SIRT4: variants seen among roughly 807,000 people sequenced by gnomAD.
SIRT4 encodes the protein sirtuin 4.
SIRT4 carries 23 observed loss-of-function variants against 26.1 expected under a neutral mutation model. The ratio of observed to expected loss-of-function variants is 0.88; its 90% CI spans 0.63 to 1.25. The LOEUF (loss-of-function observed/expected upper bound fraction) is 1.25, where lower values mean the gene tolerates loss of function less well. SIRT4 is among the 50% of genes most tolerant of loss of function. SIRT4 has a pLI of 0.00. For synonymous variants in SIRT4, 155 were observed against 158.4 expected (o/e 0.98, Z 0.16); for missense variants, 361 against 405.4 (o/e 0.89, Z 0.94).
chr12:120,302,720 CTTTTTT>C (rs901345647), intron 1 of SIRT4, among the ~76,000 whole-genome samples: 3 of 136,834 alleles, frequency 2.2e-5, no homozygotes, highest in Non-Finnish European at 4.8e-5. Flanking sequence ...TTTTCTTTTT[CTTTTTT>C]TTTTTTTTTT....
Position 120,303,636 on chromosome 12 carries a change from G to C in SIRT4, c.75G>C (p.Ser25=). 4 of 1,614,090 alleles carry C rather than the reference G, an allele frequency of 2.5e-6. No homozygotes were observed. Among genetic ancestry groups the C allele is most frequent in the Non-Finnish European group, 3.4e-6 (4 of 1,180,030 alleles). The change falls in exon 2 of 4, where the codon TCG becomes TCC. Residue 25 remains serine, a synonymous_variant. Coordinates refer to ENST00000202967, the MANE Select transcript of SIRT4 (RefSeq NM_012240.3). The part of the protein sequence containing the change: ...RWIANPSQPC[S]KASIGLFVPA... ...TCGCAAACCCCAGCCAGCCGTGCTC[G>C]AAAGCCTCCATTGGGTTATTTGTGC...
At chr12:120,304,817 ATATATATATATATATATATT>A (rs1376850412) in intron 2 of SIRT4, among the ~76,000 whole-genome samples, 1 of 6,740 alleles carries the variant, frequency 1.5e-4, no homozygotes, top group Non-Finnish European at 2.9e-4. Flanking sequence ...ATATATATAT[ATATATATATATATATATATT>A]TTTTTTTTTT....
the SIRT4 span, among the ~76,000 whole-genome samples, chr12:120,292,409 T>C: frequency 6.6e-6 from 1 of 151,976 alleles, no homozygotes; most frequent in African/African-American, 2.4e-5. Flanking sequence ...AAGACCAGCC[T>C]GGACAAGATG....
chr12:120,312,720 C>T lies in SIRT4; in HGVS notation c.762C>T (p.Asp254=). Residue 254 remains aspartate (D), a synonymous_variant, in exon 3 of 4, where the codon GAC becomes GAT. Transcript: ENST00000202967. ...DFVHKRVKEA[D]SLLVVGSSLQ... Reference sequence around the variant, plus strand: ...TGCACAAGCGTGTAAAAGAAGCCGACTCCCTCTTGGTGGTGGGATCATCCT... The same window carrying T: ...TGCACAAGCGTGTAAAAGAAGCCGATTCCCTCTTGGTGGTGGGATCATCCT... 6.2e-7 allele frequency: 1 copy of T among 1,613,964 alleles called. No homozygotes were observed. The highest frequency in any genetic ancestry group is 8.5e-7 in the Non-Finnish European group (1 of 1,179,934).
At chr12:120,298,645 A>G (rs1310201316), upstream of SIRT4, among the ~76,000 whole-genome samples, 1 of 151,972 alleles carries the variant, frequency 6.6e-6, no homozygotes, top group African/African-American at 2.4e-5. Context: ...GCAGTGGCTC[A>G]TGCCTGTAAT....
In SIRT4 at chr12:120,313,243, T is replaced by G; in HGVS notation, c.*207T>G. 1 of 579,070 alleles carries G rather than the reference T, an allele frequency of 1.7e-6. No individual in the cohort carries two copies. The highest frequency in any genetic ancestry group is 3.0e-6 in the Non-Finnish European group (1 of 333,150). 35.9% of individuals were successfully genotyped at this position (579,070 alleles called of 1,614,324 possible). ...TTAAATAAAAAATTGTTCAGCTTTA[T>G]ATGAAATGCTTCATGAATTTGTGTG... On this transcript the variant is annotated 3_prime_UTR_variant, in exon 4 of 4. Coordinates refer to ENST00000202967, the MANE Select transcript of SIRT4 (RefSeq NM_012240.3).
chr12:120,306,473 ACTC>A (rs1448944989), intron 2 of SIRT4, among the ~76,000 whole-genome samples: 1 of 143,874 alleles, frequency 7.0e-6, no homozygotes, highest in Non-Finnish European at 1.5e-5. Flanking sequence ...CAAGAACAAA[ACTC>A]CGTCAAAAAA....
intron 1 of SIRT4, among the ~76,000 whole-genome samples, chr12:120,303,260 A>T (rs1298306874): frequency 6.6e-6 from 1 of 151,842 alleles, no homozygotes; most frequent in Non-Finnish European, 1.5e-5. Flanking sequence ...CGGGCAGATC[A>T]CTAGAGCTCA....
At chr12:120,292,347 A>G in the SIRT4 span, among the ~76,000 whole-genome samples, 9 of 152,312 alleles carry the variant, frequency 5.9e-5, no homozygotes, top group African/African-American at 2.4e-5. Context: ...TCACGCCTGT[A>G]ATCCCAGCAC....
intron 2 of SIRT4, among the ~76,000 whole-genome samples, chr12:120,311,650 G>T (rs145793462): frequency 7.1e-6 from 1 of 140,772 alleles, no homozygotes; most frequent in South Asian, 2.3e-4. Flanking sequence ...CAGGAGAATC[G>T]CTTGAGACCA....
upstream of SIRT4, among the ~76,000 whole-genome samples, chr12:120,300,969 AT>A (rs780525212): frequency 2.3e-4 from 35 of 152,170 alleles, no homozygotes; most frequent in Admixed American, 1.5e-3. Context: ...AATAAAAAAA[AT>A]ATGATAAATA....
Position 120,313,031 on chromosome 12 carries a change from T to A in SIRT4, c.940T>A (p.Cys314Ser). Reference protein sequence around the residue: ...CGELLPLIDPC With the variant: ...CGELLPLIDPS ...AGAGTTGCTGCCTTTGATAGACCCA[T>A]GCTGACCACAGCCTGATATTCCAGA... is the stretch of plus-strand genomic sequence containing the variant. The change falls in exon 4 of 4, where the codon TGC becomes AGC. Residue 314 changes from cysteine to serine, a missense_variant. By Grantham distance (112) the Cys-to-Ser change is moderately radical. Coordinates refer to ENST00000202967, the MANE Select transcript of SIRT4 (RefSeq NM_012240.3). 6.2e-7 allele frequency: 1 copy of A among 1,614,140 alleles called. No individual in the cohort carries two copies. The highest frequency in any genetic ancestry group is 8.5e-7 in the Non-Finnish European group (1 of 1,180,034).
the SIRT4 span, chr12:120,293,039 C>CCAAA: frequency 1.3e-5 from 2 of 149,696 alleles, no homozygotes; most frequent in Middle Eastern, 3.4e-3. Flanking sequence ...CCTCCCAAAA[C>CCAAA]CAAGCACCCC....
the SIRT4 span, chr12:120,293,095 A>T: frequency 1.3e-5 from 2 of 152,242 alleles, no homozygotes; most frequent in East Asian, 1.9e-4. Context: ...AAGAAAATTC[A>T]GTCTCCGTAG....
intron 2 of SIRT4, among the ~76,000 whole-genome samples, chr12:120,308,141 G>A (rs1207302311): frequency 6.7e-6 from 1 of 148,352 alleles, no homozygotes; most frequent in African/African-American, 2.5e-5. Context: ...ACAGGTGTGA[G>A]CCACCATGCC....
chr12:120,308,532 G>A (rs1357453160), intron 2 of SIRT4, among the ~76,000 whole-genome samples: 1 of 152,152 alleles, frequency 6.6e-6, no homozygotes, highest in East Asian at 1.9e-4. Context: ...CTAGGCAAGA[G>A]CGGGAAACAG....
chr12:120,299,216 G>A (rs1186389852), upstream of SIRT4, among the ~76,000 whole-genome samples: 2 of 110,360 alleles, frequency 1.8e-5, no homozygotes, highest in African/African-American at 6.5e-5. Context: ...GCGAGACTCC[G>A]TCTCAAAAAT....
chr12:120,301,728 C>G (rs1872556314), upstream of SIRT4, among the ~76,000 whole-genome samples: 1 of 152,024 alleles, frequency 6.6e-6, no homozygotes, highest in Non-Finnish European at 1.5e-5. Context: ...CAAAACATCT[C>G]ATGTGGGTAA....
chr12:120,295,904 A>C, the SIRT4 span, among the ~76,000 whole-genome samples: 1 of 151,542 alleles, frequency 6.6e-6, no homozygotes, highest in Non-Finnish European at 1.5e-5. Flanking sequence ...CAAAATACAA[A>C]AATACAAAAT....
Sources: gnomAD v4.1 joint callset for allele counts (sites outside exome capture counted in the v4.1 genomes callset) on GRCh38, gnomAD v4.1.1 for gene constraint, MANE v1.5 for transcripts, NCBI Gene and HGNC (gene_info 2026-07-23, HGNC 2026-07-21) for gene names.